The following TANC2 variants were observed in gnomAD, a reference collection of about 807,000 sequenced individuals.
TANC2 encodes protein TANC2.
A neutral mutation model predicts 210.5 loss-of-function variants in TANC2; 26 were observed. That is an observed-to-expected ratio of 0.12 (90% CI 0.09 to 0.17). The LOEUF is 0.17. Ranked by LOEUF, TANC2 falls within the 10% of genes least tolerant of loss-of-function variation. The pLI, the probability that TANC2 is intolerant of heterozygous loss-of-function variation, is 1.00. For missense variants in TANC2, 2,129 were observed against 2,608.9 expected (o/e 0.82, Z 4.01); for synonymous variants, 931 against 967.1 (o/e 0.96, Z 0.69).
At chr17:63,190,813 A>G (rs777935836) in intron 5 of TANC2, among the ~76,000 whole-genome samples, 11 of 152,206 alleles carry the variant, frequency 7.2e-5, no homozygotes, top group Non-Finnish European at 1.5e-4. Context: ...AAGACCAGAC[A>G]ATCTTTAAAG....
chr17:63,133,299 G>A (rs2145238001), intron 4 of TANC2, among the ~76,000 whole-genome samples: 1 of 151,962 alleles, frequency 6.6e-6, no homozygotes, highest in East Asian at 1.9e-4. Context: ...TAGAGACTGG[G>A]TTTCACCATA....
chr17:63,115,638 G>A (rs1004481717), intron 4 of TANC2, among the ~76,000 whole-genome samples: 11 of 152,104 alleles, frequency 7.2e-5, no homozygotes, highest in African/African-American at 2.7e-4. Context: ...ACCCTTTCAG[G>A]CAATTTTCTG....
At chr17:62,967,532 T>G (rs2031419598) in intron 1 of TANC2, 1 of 152,180 alleles carries the variant, frequency 6.6e-6, no homozygotes, top group Non-Finnish European at 1.5e-5. Context: ...TTCGGGTGTC[T>G]TTCACTCTCT....
At chr17:63,209,391 CT>C (rs2041819251) in intron 7 of TANC2, among the ~76,000 whole-genome samples, 1 of 151,682 alleles carries the variant, frequency 6.6e-6, no homozygotes, top group African/African-American at 2.4e-5. Context: ...TCATCTTTAT[CT>C]TGTAACTGAT....
At chr17:63,342,178 A>G (rs535762313) in intron 12 of TANC2, among the ~76,000 whole-genome samples, 2 of 152,218 alleles carry the variant, frequency 1.3e-5, no homozygotes, top group East Asian at 3.9e-4. Context: ...AAATATATAT[A>G]TGTATTTATG....
chr17:63,097,198 A>G (rs1320250999), intron 3 of TANC2, among the ~76,000 whole-genome samples: 5 of 151,838 alleles, frequency 3.3e-5, no homozygotes, highest in Non-Finnish European at 7.4e-5. Context: ...ATGCCACTGT[A>G]CCTGGCTAGT....
intron 2 of TANC2, among the ~76,000 whole-genome samples, chr17:63,046,402 G>A (rs1189972244): frequency 3.0e-5 from 4 of 134,550 alleles, no homozygotes; most frequent in Admixed American, 8.9e-5. Flanking sequence ...GCGCCATCTC[G>A]GTCACTGCAT....
intron 14 of TANC2, among the ~76,000 whole-genome samples, chr17:63,378,713 A>G (rs146835737): frequency 1.2e-3 from 178 of 152,320 alleles, no homozygotes; most frequent in Non-Finnish European, 1.6e-3. Flanking sequence ...AGGAACCTCA[A>G]TCTAGTGGAG....
At chr17:63,110,823 T>C (rs1435237666) in intron 4 of TANC2, among the ~76,000 whole-genome samples, 2 of 152,166 alleles carry the variant, frequency 1.3e-5, no homozygotes, top group African/African-American at 2.4e-5. Context: ...GAGTAATGGA[T>C]TGTTCTGTCT....
intron 2 of TANC2, among the ~76,000 whole-genome samples, chr17:63,072,514 T>C (rs889396421): frequency 2.2e-4 from 33 of 152,076 alleles, no homozygotes; most frequent in Non-Finnish European, 1.6e-4. Flanking sequence ...TGGTAACTTA[T>C]ATAGTAACAG....
chr17:63,325,521 T>C (rs2045620584), intron 11 of TANC2, among the ~76,000 whole-genome samples: 1 of 152,194 alleles, frequency 6.6e-6, no homozygotes, highest in Non-Finnish European at 1.5e-5. Context: ...CACCCTATGT[T>C]TCCTCTCTTC....
chr17:62,980,908 C>A (rs144481045), intron 1 of TANC2, among the ~76,000 whole-genome samples: 1 of 152,260 alleles, frequency 6.6e-6, no homozygotes, highest in Non-Finnish European at 1.5e-5. Flanking sequence ...TTCCCAAAGC[C>A]TGTCATTACA....
intron 21 of TANC2, among the ~76,000 whole-genome samples, chr17:63,409,654 A>C (rs1481375867): frequency 6.6e-6 from 1 of 152,228 alleles, no homozygotes; most frequent in African/African-American, 2.4e-5. Flanking sequence ...GGTATAGCCT[A>C]CTACACACCT....
intron 2 of TANC2, among the ~76,000 whole-genome samples, chr17:63,050,431 A>G (rs1009073565): frequency 1.6e-4 from 25 of 152,278 alleles, no homozygotes; most frequent in South Asian, 1.5e-3. Context: ...TTCATGGATG[A>G]GGTCCAGGTT....
intron 9 of TANC2, among the ~76,000 whole-genome samples, chr17:63,295,044 G>A (rs1358788222): frequency 3.3e-5 from 5 of 152,134 alleles, no homozygotes; most frequent in Non-Finnish European, 7.3e-5. Flanking sequence ...ATTCATCCCC[G>A]TAATGCAGGC....
chr17:63,152,311 T>C (rs2039679899), intron 5 of TANC2: 1 of 152,118 alleles, frequency 6.6e-6, no homozygotes, highest in South Asian at 2.1e-4. Context: ...TGATCTGAAA[T>C]GTCAGTATAA....
intron 2 of TANC2, among the ~76,000 whole-genome samples, chr17:63,010,682 C>T (rs1439208847): frequency 6.6e-6 from 1 of 152,126 alleles, no homozygotes; most frequent in Non-Finnish European, 1.5e-5. Flanking sequence ...GGCTACAAAT[C>T]GGAGGTTCCC....
At chr17:63,064,446 G>A (rs1472319335) in intron 2 of TANC2, among the ~76,000 whole-genome samples, 2 of 152,098 alleles carry the variant, frequency 1.3e-5, no homozygotes, top group African/African-American at 4.8e-5. Flanking sequence ...GTGACAGAGC[G>A]AGACCCTATC....
In TANC2 at chr17:63,420,676, A is replaced by T; in HGVS notation, c.4946A>T (p.Gln1649Leu). The change falls in exon 28 of 28, where the codon CAG becomes CTG. Residue 1649 changes from glutamine (Q) to leucine (L), a missense_variant. By Grantham distance (113) the Gln-to-Leu change is moderately radical. Coordinates refer to ENST00000689528, the Ensembl canonical transcript of TANC2. The surrounding 1 kb of genome is among the most constrained non-coding windows in gnomAD (Gnocchi z 4.2). The stretch of plus-strand genomic sequence containing the variant: ...CAGTCTGGTTCACCCGTGCGCTATC[A>T]GCAGGAAACAAGCGTCAGTCAGCTT... 4 of 1,613,810 alleles carry T rather than the reference A, an allele frequency of 2.5e-6. No individual in the cohort carries two copies. Among genetic ancestry groups the T allele is most frequent in the Non-Finnish European group, 3.4e-6 (4 of 1,179,786 alleles).
Sources: allele counts gnomAD v4.1 joint callset (sites outside exome capture counted in the v4.1 genomes callset), GRCh38; gene constraint gnomAD v4.1.1; non-coding constraint Gnocchi (gnomAD v3.1); transcripts MANE v1.5; gene names NCBI Gene and HGNC (gene_info 2026-07-23, HGNC 2026-07-21).